The following DNAJC6 variants were observed in gnomAD, a reference collection of about 807,000 sequenced individuals.
DNAJC6 encodes auxilin.
DNAJC6 carries 34 observed loss-of-function variants against 110.0 expected under a neutral mutation model. The ratio of observed to expected loss-of-function variants is 0.31; its 90% confidence interval spans 0.24 to 0.41. DNAJC6 has a LOEUF of 0.41. Among genes scored for constraint, DNAJC6 ranks in the 10% least tolerant of loss-of-function variants. The pLI is 1.00. For missense variants in DNAJC6, 1,031 were observed against 1,207.8 expected, an observed-to-expected ratio of 0.85 and a Z score of 2.17; for synonymous variants, 406 against 437.2, an observed-to-expected ratio of 0.93 and a Z score of 0.89.
At chr1:65,296,697 C>T (rs1342403667) in intron 1 of DNAJC6, among the ~76,000 whole-genome samples, 1 of 150,124 alleles carries the variant, frequency 6.7e-6, no homozygotes, top group Non-Finnish European at 1.5e-5. Context: ...AAGCAATTCT[C>T]TGCCTCAGCC....
chr1:65,351,847 C>A (rs192201341), intron 1 of DNAJC6, among the ~76,000 whole-genome samples: 105 of 152,172 alleles, frequency 6.9e-4, no homozygotes, highest in Non-Finnish European at 5.3e-4. Context: ...CTCAATGCAA[C>A]CTCTGCCTTC....
upstream of DNAJC6, among the ~76,000 whole-genome samples, chr1:65,307,749 T>C (rs987256065): frequency 6.6e-6 from 1 of 152,336 alleles, no homozygotes. Flanking sequence ...AATTATTACT[T>C]TAGTCAAGTA....
At chr1:65,359,930 A>C (rs977611539) in intron 1 of DNAJC6, among the ~76,000 whole-genome samples, 1 of 152,190 alleles carries the variant, frequency 6.6e-6, no homozygotes, top group Non-Finnish European at 1.5e-5. Context: ...TACTTTTTTC[A>C]ATCATTTAAA....
chr1:65,312,749 G>A (rs868778176), intron 1 of DNAJC6, among the ~76,000 whole-genome samples: 1 of 152,166 alleles, frequency 6.6e-6, no homozygotes, highest in African/African-American at 2.4e-5. Flanking sequence ...GTCTGTGCTT[G>A]GAGACTTGGG....
intron 1 of DNAJC6, among the ~76,000 whole-genome samples, chr1:65,349,093 T>TAC (rs1317721217): frequency 2.4e-4 from 35 of 144,062 alleles, no homozygotes; most frequent in African/African-American, 5.6e-4. Flanking sequence ...TATATGTAAA[T>TAC]ATATATATAA....
rs367915470 is a variant in DNAJC6 at position 65,299,233 on chromosome 1, A to G, written c.-131+34301A>G. On this transcript the variant is annotated intron_variant, in intron 1 of 19. Transcript: ENST00000263441. ...AATGGAAAATAAGTCAGACTCTCTC[A>G]TTTGGCCATATTGAAGCTAATAGTC... Among the ~76,000 whole-genome samples, 5 of 152,374 alleles carry G rather than the reference A, an allele frequency of 3.3e-5. No homozygotes were observed. The East Asian group carries it at 5.8e-4, about 18-fold the overall frequency.
intron 1 of DNAJC6, among the ~76,000 whole-genome samples, chr1:65,295,662 TATTTCATTCAA>T (rs11271701): frequency 0.64 from 97,101 of 151,688 alleles, 31,278 homozygotes; most frequent in East Asian, 0.79. Flanking sequence ...AAAAGTTATG[TATTTCATTCAA>T]GTTCAAATAT....
At chr1:65,360,859 A>G (rs1392032911) in intron 1 of DNAJC6, among the ~76,000 whole-genome samples, 1 of 152,112 alleles carries the variant, frequency 6.6e-6, no homozygotes, top group African/African-American at 2.4e-5. Flanking sequence ...GCAGTGATTT[A>G]TGAGGGTGCT....
chr1:65,306,059 A>T (rs1484680062), upstream of DNAJC6, among the ~76,000 whole-genome samples: 10 of 151,612 alleles, frequency 6.6e-5, no homozygotes, highest in Non-Finnish European at 1.5e-4. Flanking sequence ...ACTAAGAATC[A>T]ATCATAGGCA....
Position 65,331,655 on chromosome 1 carries a change from C to A in DNAJC6, c.193+21717C>A, listed in dbSNP as rs146527847. On this transcript the variant is annotated intron_variant, in intron 1 of 18. Coordinates refer to ENST00000371069, the MANE Select transcript of DNAJC6 (RefSeq NM_001256864.2). ...GCCCTCTCATGTTCCTCATAATAAC[C>A]AGACATTTCTAATTATAACTTGAGC... Among the ~76,000 whole-genome samples, 515 of 152,224 alleles carry A rather than the reference C, an allele frequency of 3.4e-3. 2 individuals carry two copies. The highest frequency in any genetic ancestry group is 0.012 in the African/African-American group (480 of 41,546).
At position 65,348,909 on chromosome 1, in the gene DNAJC6, A is replaced by G. The variant is rs9436269; in HGVS notation, c.194-15726A>G. Among the ~76,000 whole-genome samples, 316 of 147,786 alleles carry G rather than the reference A, an allele frequency of 2.1e-3. 1 individual carries two copies. The highest frequency in any genetic ancestry group is 7.5e-3 in the African/African-American group (304 of 40,688). ...TTAATTCTTCTGGCTTTTTGGCTAT[A>G]TATATGTGGTACGTATATTTGTGTG... On this transcript the variant is annotated intron_variant, in intron 1 of 18. Coordinates refer to ENST00000371069, the MANE Select transcript of DNAJC6 (RefSeq NM_001256864.2).
In DNAJC6 at chr1:65,278,923, A is replaced by C. The variant is rs556277520; in HGVS notation, c.-131+13991A>C. On this transcript the variant is annotated intron_variant, in intron 1 of 19. Coordinates refer to the DNAJC6 transcript ENST00000263441. ...CTGGGCGACATTCTCAGAATCCCAG[A>C]TGTATCCTGCGAGTCAGCACTTCAC... 54 of 965,600 alleles carry C rather than the reference A, an allele frequency of 5.6e-5. 1 individual carries two copies. In the South Asian group the frequency reaches 2.2e-3, roughly 39 times the overall value. 59.8% of individuals were successfully genotyped at this position (965,600 alleles called of 1,614,324 possible). A position where few individuals can be genotyped will look rare whatever the true frequency, so the allele number is the denominator to read the frequency against.
At chr1:65,284,206 C>T (rs1653940238) in intron 1 of DNAJC6, among the ~76,000 whole-genome samples, 1 of 152,180 alleles carries the variant, frequency 6.6e-6, no homozygotes, top group South Asian at 2.1e-4. Context: ...TTCTGACAGG[C>T]TCTGCTCCAT....
chr1:65,270,823 T>C (rs1006975505), intron 1 of DNAJC6, among the ~76,000 whole-genome samples: 1 of 152,038 alleles, frequency 6.6e-6, no homozygotes, highest in African/African-American at 2.4e-5. Context: ...GAATTACAGG[T>C]GCACACCACC....
intron 14 of DNAJC6, 132 bp from the exon 15 acceptor site, chr1:65,401,629 A>G: frequency 1.6e-6 from 2 of 1,289,350 alleles, no homozygotes; most frequent in Non-Finnish European, 2.1e-6. Flanking sequence ...AGGGTCTAGC[A>G]ACTTCTTAGA....
At chr1:65,352,835 G>A (rs1032701128) in intron 1 of DNAJC6, among the ~76,000 whole-genome samples, 3 of 152,172 alleles carry the variant, frequency 2.0e-5, no homozygotes, top group African/African-American at 7.2e-5. Context: ...TCTTAGAGCT[G>A]CATATGCATA....
chr1:65,399,719 C>T (rs908588683), intron 14 of DNAJC6, among the ~76,000 whole-genome samples: 3 of 152,188 alleles, frequency 2.0e-5, no homozygotes, highest in Non-Finnish European at 4.4e-5. Context: ...CCTCCACCAG[C>T]CCCTGGCCAC....
intron 7 of DNAJC6, 133 bp from the exon 8 acceptor site, chr1:65,386,679 T>C (rs1645875894): frequency 2.8e-6 from 2 of 726,318 alleles, no homozygotes; most frequent in Non-Finnish European, 4.6e-6. Flanking sequence ...TTGCTCAAGA[T>C]AGGAAATAGT....
chr1:65,357,345 A>T (rs910317104), intron 1 of DNAJC6, among the ~76,000 whole-genome samples: 4 of 152,192 alleles, frequency 2.6e-5, no homozygotes, highest in Non-Finnish European at 5.9e-5. Flanking sequence ...ATACTAACTC[A>T]CTTTACTAGA....
Sources: gnomAD v4.1 joint callset for allele counts (sites outside exome capture counted in the v4.1 genomes callset) on GRCh38, gnomAD v4.1.1 for gene constraint, MANE v1.5 for transcripts, NCBI Gene and HGNC (gene_info 2026-07-23, HGNC 2026-07-21) for gene names.